The following WIPI1 variants were observed in gnomAD, a reference collection of about 807,000 sequenced individuals.
WIPI1 encodes WD repeat domain, phosphoinositide interacting 1, also known as WD repeat domain phosphoinositide-interacting protein 1.
A neutral mutation model predicts 55.3 loss-of-function variants in WIPI1; 45 were observed. The ratio of observed to expected loss-of-function variants is 0.81; its 90% CI spans 0.64 to 1.04. The LOEUF is 1.04. Among genes scored for constraint, WIPI1 ranks in the 50% least tolerant of loss-of-function variants. WIPI1 has a pLI of 0.00. For missense variants in WIPI1, 445 were observed against 559.0 expected, an observed-to-expected ratio of 0.80 and a Z score of 2.06; for synonymous variants, 195 against 217.6, an observed-to-expected ratio of 0.90 and a Z score of 0.92.
At chr17:68,442,538 C>T (rs983712695) in intron 4 of WIPI1, among the ~76,000 whole-genome samples, 5 of 151,964 alleles carry the variant, frequency 3.3e-5, no homozygotes, top group Admixed American at 3.3e-4. Flanking sequence ...ACCCTGTCCT[C>T]TGGGGGTCAA....
chr17:68,421,845 C>T, intron 12 of WIPI1, 25 bp from the exon 13 acceptor site: 1 of 1,614,108 alleles, frequency 6.2e-7, no homozygotes, highest in Admixed American at 1.7e-5. Context: ...ACAGAATGGC[C>T]TTACTCTTCT....
At chr17:68,455,148 G>T (rs560445161) in intron 1 of WIPI1, among the ~76,000 whole-genome samples, 19 of 152,160 alleles carry the variant, frequency 1.2e-4, no homozygotes, top group African/African-American at 4.3e-4. Flanking sequence ...GATCACTTGA[G>T]GTCAGGAGTT....
In WIPI1 at chr17:68,423,097, C is replaced by T. The variant is rs554040886; in HGVS notation, c.1294-1277G>A. Among the ~76,000 whole-genome samples, 88 of 152,208 alleles carry T rather than the reference C, an allele frequency of 5.8e-4. 1 individual carries two copies. Among genetic ancestry groups the T allele is most frequent in the African/African-American group, 2.0e-3 (84 of 41,538 alleles). ...CTACTCAGGCAAGCCTATGTTTGTTCGTCACTACAAGAGAGGCGATTTTAA... is the reference window on the plus strand; with the variant it reads ...CTACTCAGGCAAGCCTATGTTTGTTTGTCACTACAAGAGAGGCGATTTTAA... On this transcript the variant is annotated intron_variant, in intron 12 of 12. Coordinates refer to ENST00000262139, the MANE Select transcript of WIPI1 (RefSeq NM_017983.7). The surrounding 1 kb of genome is among the most constrained non-coding windows in gnomAD (Gnocchi z 4.4).
At chr17:68,436,984 A>T (rs1239820492) in intron 4 of WIPI1, among the ~76,000 whole-genome samples, 1 of 118,482 alleles carries the variant, frequency 8.4e-6, no homozygotes, top group African/African-American at 3.4e-5. Flanking sequence ...ACAGAGTGAG[A>T]CCCCGTCTCA....
intron 7 of WIPI1, among the ~76,000 whole-genome samples, chr17:68,433,789 T>G (rs1404385781): frequency 1.7e-5 from 1 of 58,010 alleles, no homozygotes; most frequent in African/African-American, 5.6e-5. Context: ...TTTTTTTTTT[T>G]TTTTTTTTTG....
intron 3 of WIPI1, 34 bp from the exon 4 acceptor site, chr17:68,444,623 C>A: frequency 2.5e-6 from 4 of 1,575,102 alleles, no homozygotes; most frequent in Non-Finnish European, 3.5e-6. Context: ...TCTACCGAAC[C>A]GTTCCTTACA....
chr17:68,434,323 A>AT (rs2083678762), intron 7 of WIPI1, among the ~76,000 whole-genome samples: 1 of 152,134 alleles, frequency 6.6e-6, no homozygotes, highest in Admixed American at 6.6e-5. Context: ...CCGCCCACAC[A>AT]CACATCAAAA....
chr17:68,425,610 A>G (rs2083118391), intron 12 of WIPI1, among the ~76,000 whole-genome samples: 1 of 152,178 alleles, frequency 6.6e-6, no homozygotes, highest in African/African-American at 2.4e-5. Flanking sequence ...GCTGGTTCAC[A>G]GAGTGCAGCA....
rs1223103447 is a variant in WIPI1, at chr17:68,431,271, C to T, written c.801-1111G>A. Among the ~76,000 whole-genome samples, 5 of 152,286 alleles carry T rather than the reference C, an allele frequency of 3.3e-5. No individual in the cohort carries two copies. In the East Asian group the frequency reaches 9.7e-4, roughly 29 times the overall value. On this transcript the variant is annotated intron_variant, in intron 8 of 12. Coordinates refer to ENST00000262139, the MANE Select transcript of WIPI1 (RefSeq NM_017983.7). ...GGGAGAGGCGGATGAGGTTCCTTAA[C>T]GTTTCCGTGTCCAGATTTCCTCATT...
At chr17:68,426,300 C>A in intron 11 of WIPI1, 125 bp from the exon 12 acceptor site, 1 of 742,676 alleles carries the variant, frequency 1.3e-6, no homozygotes, top group Non-Finnish European at 2.3e-6. Flanking sequence ...TGTCTTCCCC[C>A]TGGAGGTACT....
intron 2 of WIPI1, among the ~76,000 whole-genome samples, chr17:68,451,231 G>T (rs1051926418): frequency 2.6e-5 from 4 of 152,230 alleles, no homozygotes; most frequent in African/African-American, 9.6e-5. Flanking sequence ...AGGAGTTCAA[G>T]ACCAGCCTGG....
At chr17:68,435,223 T>A (rs2083727936) in intron 6 of WIPI1, among the ~76,000 whole-genome samples, 1 of 133,130 alleles carries the variant, frequency 7.5e-6, no homozygotes. Context: ...AAAAAAAAAA[T>A]TCAATTGGAT....
chr17:68,436,271 C>G, intron 5 of WIPI1, 111 bp downstream of exon 5: 1 of 934,668 alleles, frequency 1.1e-6, no homozygotes, highest in Non-Finnish European at 1.7e-6. Flanking sequence ...CCCAGTATTG[C>G]TTACTCCCAC....
At position 68,421,743 on chromosome 17, in the gene WIPI1, G is replaced by C. The variant is rs753471171; in HGVS notation, c.*30C>G. On this transcript the variant is annotated 3_prime_UTR_variant, in exon 13 of 13. Coordinates refer to ENST00000262139, the MANE Select transcript of WIPI1 (RefSeq NM_017983.7). ...TTCTCCAAAACCACCTGATAGGGGG[G>C]ATGTCCTGATTTCTGAGGTGTGCTT... is the stretch of plus-strand genomic sequence containing the variant. The C allele has an allele frequency of 6.2e-7, 1 of 1,614,082 alleles. No individual in the cohort carries two copies. Among genetic ancestry groups the C allele is most frequent in the Non-Finnish European group, 8.5e-7 (1 of 1,179,998 alleles).
At chr17:68,427,103 G>A in intron 11 of WIPI1, 32 bp downstream of exon 11, 1 of 1,562,780 alleles carries the variant, frequency 6.4e-7, no homozygotes, top group Non-Finnish European at 8.8e-7. Context: ...CACTGTTGGA[G>A]ATGCTCCCCT....
In WIPI1 at chr17:68,431,195, C is replaced by T. The variant is rs545460908; in HGVS notation, c.801-1035G>A. Among the ~76,000 whole-genome samples, 18 of 152,250 alleles carry T rather than the reference C, an allele frequency of 1.2e-4. 1 individual carries two copies. The highest frequency in any genetic ancestry group is 4.3e-4 in the African/African-American group (18 of 41,546). On this transcript the variant is annotated intron_variant, in intron 8 of 12. Coordinates refer to ENST00000262139, the MANE Select transcript of WIPI1 (RefSeq NM_017983.7). ...AAAAACCACGTGAGCAGTTAATATG[C>T]GGTGCTGCACAGATGGTCCAGGCAG...
intron 4 of WIPI1, among the ~76,000 whole-genome samples, chr17:68,443,286 T>G (rs2084156342): frequency 6.6e-6 from 1 of 152,064 alleles, no homozygotes; most frequent in African/African-American, 2.4e-5. Context: ...AATTTTTGTA[T>G]TTTTTTGGTA....
At chr17:68,433,760 G>GTTTTTTTTTTTTTTTTTTTTTTTTTT (rs556777098) in intron 7 of WIPI1, among the ~76,000 whole-genome samples, 185 bp from the exon 8 acceptor site, 1 of 72,814 alleles carries the variant, frequency 1.4e-5, no homozygotes, top group African/African-American at 6.6e-5. Context: ...AAGGGTCATA[G>GTTTTTTTTTTTTTTTTTTTTTTTTTT]TTTTTTTTTT....
At position 68,426,117 on chromosome 17, in the gene WIPI1, C is replaced by A. The variant is rs199788482; in HGVS notation, c.1251G>T (p.Ala417=). The part of the protein sequence containing the change: ...RGEVIPEHEF[A]TGPVCLDDEN... ...CATCATCAAGACACACTGGTCCCGT[C>A]GCAAACTCATGTTCAGGAATAACTT... is the stretch of plus-strand genomic sequence containing the variant. The change falls in exon 12 of 13, where the codon GCG becomes GCT. Residue 417 remains alanine (A), a synonymous_variant. Transcript: ENST00000262139. The A allele has an allele frequency of 1.2e-6, 2 of 1,612,630 alleles. No individual in the cohort carries two copies. Among genetic ancestry groups the A allele is most frequent in the Admixed American group, 3.3e-5 (2 of 60,020 alleles).
Sources: gnomAD v4.1 joint callset for allele counts (sites outside exome capture counted in the v4.1 genomes callset) on GRCh38, gnomAD v4.1.1 for gene constraint, Gnocchi (gnomAD v3.1) non-coding constraint, MANE v1.5 for transcripts, NCBI Gene and HGNC (gene_info 2026-07-23, HGNC 2026-07-21) for gene names.